The following LRRC7 variants were observed in gnomAD, a reference collection of about 807,000 sequenced individuals.
The protein encoded by LRRC7 is leucine-rich repeat-containing protein 7.
LRRC7 carries 23 observed loss-of-function variants against 175.7 expected under a neutral mutation model. The ratio of observed to expected loss-of-function variants is 0.13; its 90% confidence interval spans 0.09 to 0.19. The LOEUF is 0.19. Among genes scored for constraint, LRRC7 ranks in the 10% least tolerant of loss-of-function variants. The pLI, the probability that LRRC7 is intolerant of heterozygous loss-of-function variation, is 1.00. For synonymous variants in LRRC7, 685 were observed against 680.9 expected, an observed-to-expected ratio of 1.01 and a Z score of -0.09; for missense variants, 1,354 against 1,904.7, an observed-to-expected ratio of 0.71 and a Z score of 5.38.
chr1:69,938,716 C>A (rs1253746808), intron 8 of LRRC7, among the ~76,000 whole-genome samples: 1 of 151,690 alleles, frequency 6.6e-6, no homozygotes, highest in South Asian at 2.1e-4. Context: ...CAAAGGTGTG[C>A]TCATTTTTAA....
chr1:69,605,086 G>T (rs1440076929), intron 1 of LRRC7, among the ~76,000 whole-genome samples: 2 of 152,132 alleles, frequency 1.3e-5, no homozygotes, highest in African/African-American at 4.8e-5. Context: ...ATCTTGAATT[G>T]TAGCTCCCAT....
At chr1:69,710,210 C>T (rs955026785) in intron 2 of LRRC7, among the ~76,000 whole-genome samples, 44 of 132,906 alleles carry the variant, frequency 3.3e-4, no homozygotes, top group Non-Finnish European at 1.5e-4. Flanking sequence ...ACCCTGGAGG[C>T]GGAGGTTGCA....
chr1:69,869,838 T>A (rs1685338031), intron 7 of LRRC7, among the ~76,000 whole-genome samples: 1 of 152,160 alleles, frequency 6.6e-6, no homozygotes, highest in Non-Finnish European at 1.5e-5. Flanking sequence ...TTTGGACATT[T>A]ATACCTAATA....
At chr1:69,821,409 C>T (rs188555739) in intron 4 of LRRC7, among the ~76,000 whole-genome samples, 56 of 151,990 alleles carry the variant, frequency 3.7e-4, no homozygotes, top group African/African-American at 8.2e-4. Context: ...TTGTATTCAT[C>T]GGCTCCAGAA....
At chr1:69,781,253 T>C (rs910578182) in intron 3 of LRRC7, among the ~76,000 whole-genome samples, 8 of 152,228 alleles carry the variant, frequency 5.3e-5, no homozygotes, top group African/African-American at 1.9e-4. Flanking sequence ...CTGCGGCCTT[T>C]GTGAGGGCTC....
rs2102259549 is a variant in LRRC7, at chr1:70,127,264, G to A, written c.*5377G>A. Among the ~76,000 whole-genome samples the A allele has an allele frequency of 6.6e-6, 1 of 152,238 alleles. No homozygotes were observed. Among genetic ancestry groups the A allele is most frequent in the African/African-American group, 2.4e-5 (1 of 41,540 alleles). On this transcript the variant is annotated 3_prime_UTR_variant, in exon 27 of 27. Transcript: ENST00000651989. ...AGCCTCTCAGCTTCTTACTGAGACAGGTTCCAATCTTCCTTACTTTCAACA... is the reference window on the plus strand; with the variant it reads ...AGCCTCTCAGCTTCTTACTGAGACAAGTTCCAATCTTCCTTACTTTCAACA...
chr1:69,994,700 T>C, intron 11 of LRRC7, 67 bp downstream of exon 11: 3 of 1,068,516 alleles, frequency 2.8e-6, no homozygotes, highest in Non-Finnish European at 4.2e-6. Context: ...TATTGAGTTT[T>C]CTAATTCAAA....
intron 8 of LRRC7, among the ~76,000 whole-genome samples, chr1:69,935,489 C>A (rs1647910847): frequency 6.6e-6 from 1 of 152,024 alleles, no homozygotes; most frequent in Non-Finnish European, 1.5e-5. Context: ...TAATATATAA[C>A]CTTTCTTTGT....
At chr1:69,804,367 T>G (rs1676871588) in intron 4 of LRRC7, among the ~76,000 whole-genome samples, 1 of 151,472 alleles carries the variant, frequency 6.6e-6, no homozygotes, top group African/African-American at 2.4e-5. Flanking sequence ...TTTATGATTT[T>G]TACATACCTG....
intron 23 of LRRC7, among the ~76,000 whole-genome samples, chr1:70,057,273 A>G (rs1661228524): frequency 6.6e-6 from 1 of 152,220 alleles, no homozygotes; most frequent in Admixed American, 6.5e-5. Context: ...TATTAGTTGA[A>G]TAGTCAAGTT....
chr1:69,833,331 G>T (rs1680741137), intron 5 of LRRC7, among the ~76,000 whole-genome samples: 1 of 151,950 alleles, frequency 6.6e-6, no homozygotes, highest in African/African-American at 2.4e-5. Flanking sequence ...TTTTGTTTTA[G>T]GGAATTAAAT....
At chr1:69,648,762 T>A (rs1354697693) in intron 1 of LRRC7, among the ~76,000 whole-genome samples, 1 of 152,220 alleles carries the variant, frequency 6.6e-6, no homozygotes, top group Non-Finnish European at 1.5e-5. Flanking sequence ...CTCCACCTCC[T>A]GTGTAACCAA....
At chr1:69,794,639 T>A (rs558044002) in intron 4 of LRRC7, among the ~76,000 whole-genome samples, 1 of 152,350 alleles carries the variant, frequency 6.6e-6, no homozygotes, top group African/African-American at 2.4e-5. Flanking sequence ...TCCTTGATTT[T>A]CAGGCAGGAT....
At chr1:70,026,644 T>C (rs1658135582) in intron 17 of LRRC7, among the ~76,000 whole-genome samples, 1 of 152,160 alleles carries the variant, frequency 6.6e-6, no homozygotes, top group Non-Finnish European at 1.5e-5. Context: ...TTTGTAGCTA[T>C]ATTTCTATAT....
At position 70,051,781 on chromosome 1, in the gene LRRC7, A is replaced by G. The variant is rs576459430; in HGVS notation, c.4111-1245A>G. 1.5e-4 allele frequency among the ~76,000 whole-genome samples: 23 copies of G among 152,120 alleles called. No homozygotes were observed. The South Asian group carries it at 4.8e-3, about 32-fold the overall frequency. On this transcript the variant is annotated intron_variant, in intron 22 of 26. Coordinates refer to ENST00000651989, the MANE Select transcript of LRRC7 (RefSeq NM_001370785.2). The stretch of plus-strand genomic sequence containing the variant: ...TCCTAGGAAGACTTCATCTAGTGTC[A>G]TATTAAATCCTATTTTAGAATTTTT...
chr1:69,919,570 G>T (rs1207293373), intron 7 of LRRC7: 2 of 800,132 alleles, frequency 2.5e-6, no homozygotes, highest in East Asian at 5.1e-5. Flanking sequence ...CCTCGACCTG[G>T]CGGCAGGAAA....
chr1:69,788,563 T>A (rs1674758314), intron 3 of LRRC7, among the ~76,000 whole-genome samples: 1 of 152,244 alleles, frequency 6.6e-6, no homozygotes, highest in Non-Finnish European at 1.5e-5. Context: ...CTCCTCATGT[T>A]GTCAAGCAAA....
rs1190845172 is a variant in LRRC7 at position 70,125,567 on chromosome 1, C to T, written c.*3680C>T. On this transcript the variant is annotated 3_prime_UTR_variant, in exon 27 of 27. Transcript: ENST00000651989. ...CAGCACTTTGGGAGGCCGAGGCGGG[C>T]GGATCACGAGGTCAGGAGATCGAGA... 6.6e-6 allele frequency among the ~76,000 whole-genome samples: 1 copy of T among 151,876 alleles called. No individual in the cohort carries two copies. Among genetic ancestry groups the T allele is most frequent in the South Asian group, 2.1e-4 (1 of 4,816 alleles).
intron 3 of LRRC7, among the ~76,000 whole-genome samples, chr1:69,761,901 A>G (rs1671077384): frequency 6.6e-6 from 1 of 152,024 alleles, no homozygotes; most frequent in Non-Finnish European, 1.5e-5. Flanking sequence ...TAAGTCATAA[A>G]TGTGGTAACC....
Sources: gnomAD v4.1 joint callset for allele counts (sites outside exome capture counted in the v4.1 genomes callset) on GRCh38, gnomAD v4.1.1 for gene constraint, MANE v1.5 for transcripts, NCBI Gene and HGNC (gene_info 2026-07-23, HGNC 2026-07-21) for gene names.